The following ERBB2 variants were observed in gnomAD, a reference collection of about 807,000 sequenced individuals.
ERBB2 encodes the protein erb-b2 receptor tyrosine kinase 2.
A neutral mutation model predicts 149.0 loss-of-function variants in ERBB2; 61 were observed. The observed-to-expected ratio is 0.41, with a 90% CI of 0.33 to 0.51. The LOEUF is 0.51. Ranked by LOEUF, ERBB2 falls within the 20% of genes least tolerant of loss-of-function variation. The pLI is 0.25. For synonymous variants in ERBB2, 633 were observed against 678.8 expected (o/e 0.93, Z 1.05); for missense variants, 1,205 against 1,655.1 (o/e 0.73, Z 4.72).
At chr17:39,703,026 C>T (rs1246408738) in intron 1 of ERBB2, among the ~76,000 whole-genome samples, 1 of 152,250 alleles carries the variant, frequency 6.6e-6, no homozygotes, top group Non-Finnish European at 1.5e-5. Context: ...AATGACCTTT[C>T]CATCCACTTC....
At chr17:39,716,074 T>G in intron 12 of ERBB2, 135 bp downstream of exon 12, 1 of 1,060,922 alleles carries the variant, frequency 9.4e-7, no homozygotes, top group Non-Finnish European at 1.4e-6. Flanking sequence ...AGCACAGCTC[T>G]GGCTGGCTTG....
At chr17:39,716,739 C>T in intron 14 of ERBB2, 134 bp downstream of exon 14, 2 of 788,232 alleles carry the variant, frequency 2.5e-6, no homozygotes, top group South Asian at 3.2e-5. Context: ...AGCGCTCAGA[C>T]CTGAACAGCA....
At chr17:39,700,340 CA>C in intron 1 of ERBB2, 29 bp downstream of exon 1, 9 of 1,331,872 alleles carry the variant, frequency 6.8e-6, no homozygotes, top group Admixed American at 3.7e-5. Context: ...GGGGACGGAG[CA>C]GCGGCGGGAC....
At position 39,725,759 on chromosome 17, in the gene ERBB2, C is replaced by T. The variant is rs1395530219; in HGVS notation, c.2778C>T (p.Ile926=). The part of the protein sequence containing the change: ...MTFGAKPYDG[I]PAREIPDLLE... Reference sequence around the variant, plus strand: ...TTGGGGCCAAACCTTACGATGGGATCCCAGCCCGGGAGATCCCTGACCTGC... The same window carrying T: ...TTGGGGCCAAACCTTACGATGGGATTCCAGCCCGGGAGATCCCTGACCTGC... Residue 926 remains isoleucine (I), a synonymous_variant, in exon 23 of 27, where the codon ATC becomes ATT. Coordinates refer to ENST00000269571, the MANE Select transcript of ERBB2 (RefSeq NM_004448.4). This position sits in a 1 kb window ranked among gnomAD's most constrained non-coding sequence, Gnocchi z 4.6. 1.9e-6 allele frequency: 3 copies of T among 1,613,744 alleles called. No individual in the cohort carries two copies.
Position 39,723,465 on chromosome 17 carries a change from G to A in ERBB2, c.2085+8G>A, listed in dbSNP as rs750301449. On this transcript the variant is annotated splice_region_variant and intron_variant, in intron 17 of 26. Coordinates refer to ENST00000269571, the MANE Select transcript of ERBB2 (RefSeq NM_004448.4). The surrounding 1 kb of genome is among the most constrained non-coding windows in gnomAD (Gnocchi z 6.2). ...CTGCTGCAGGAAACGGAGGTGAGGCGGGGTGAAGTCCTCCCAGCCCGCGTG... is the reference window on the plus strand; with the variant it reads ...CTGCTGCAGGAAACGGAGGTGAGGCAGGGTGAAGTCCTCCCAGCCCGCGTG... 7 of 1,614,106 alleles carry A rather than the reference G, an allele frequency of 4.3e-6. No individual in the cohort carries two copies. The Admixed American group carries it at 1.0e-4, about 23-fold the overall frequency.
chr17:39,712,925 G>C (rs2058893676), intron 9 of ERBB2, among the ~76,000 whole-genome samples: 1 of 152,134 alleles, frequency 6.6e-6, no homozygotes, highest in Non-Finnish European at 1.5e-5. Flanking sequence ...TTTATGTGAG[G>C]CTCTGAACCG....
At position 39,723,250 on chromosome 17, in the gene ERBB2, C is replaced by T; in HGVS notation, c.1947-69C>T. 6.7e-7 allele frequency: 1 copy of T among 1,502,822 alleles called. No homozygotes were observed. Among genetic ancestry groups the T allele is most frequent in the Non-Finnish European group, 9.2e-7 (1 of 1,089,474 alleles). 93.1% of individuals were successfully genotyped at this position (1,502,822 alleles called of 1,614,324 possible). ...CGAATGCCAAACACCTTCATGTCCCCCGTGGGCCCCCTTTGTCCCTCCCAC... is the reference window on the plus strand; with the variant it reads ...CGAATGCCAAACACCTTCATGTCCCTCGTGGGCCCCCTTTGTCCCTCCCAC... On this transcript the variant is annotated intron_variant, in intron 16 of 26. Transcript: ENST00000269571. The surrounding 1 kb of genome is among the most constrained non-coding windows in gnomAD (Gnocchi z 6.2).
upstream of ERBB2, among the ~76,000 whole-genome samples, chr17:39,694,303 G>A (rs1412661212): frequency 6.6e-5 from 5 of 75,770 alleles, no homozygotes; most frequent in African/African-American, 1.0e-4. Context: ...ATATATATGT[G>A]TATATATATA....
Position 39,725,592 on chromosome 17 carries a change from G to A in ERBB2, c.2726-115G>A. The stretch of plus-strand genomic sequence containing the variant: ...AAGACCGGGTAGGGTCTGTCTCCTG[G>A]CATCACATCTCCCCCTGCTACCTGC... On this transcript the variant is annotated intron_variant, in intron 22 of 26. Transcript: ENST00000269571. The surrounding 1 kb of genome is among the most constrained non-coding windows in gnomAD (Gnocchi z 4.6). 2 of 1,291,914 alleles carry A rather than the reference G, an allele frequency of 1.5e-6. No homozygotes were observed. The highest frequency in any genetic ancestry group is 2.8e-5 in the South Asian group (2 of 71,698). 80.0% of individuals were successfully genotyped at this position (1,291,914 alleles called of 1,614,324 possible). A position where few individuals can be genotyped will look rare whatever the true frequency, so the allele number is the denominator to read the frequency against.
In ERBB2 at chr17:39,727,749, C is replaced by T. The variant is rs1299958872; in HGVS notation, c.3473C>T (p.Pro1158Leu). ...CCTTCGCCCCGAGAGGGCCCTCTGC[C>T]TGCTGCCCGACCTGCTGGTGCCACT... is the stretch of plus-strand genomic sequence containing the variant. ...QPPSPREGPL[P>L]AARPAGATLE... Residue 1158 changes from proline to leucine, a missense_variant, in exon 27 of 27, where the codon CCT becomes CTT. By Grantham distance (98) the Pro-to-Leu change is moderately conservative (BLOSUM62 -3). This residue lies in a region of ERBB2 where 312 missense variants were observed against 343.8 expected (regional missense o/e 0.91). Coordinates refer to ENST00000269571, the MANE Select transcript of ERBB2 (RefSeq NM_004448.4). The surrounding 1 kb of genome is among the most constrained non-coding windows in gnomAD (Gnocchi z 4.3). 2 of 1,597,670 alleles carry T rather than the reference C, an allele frequency of 1.3e-6. No individual in the cohort carries two copies. Among genetic ancestry groups the T allele is most frequent in the Admixed American group, 1.7e-5 (1 of 58,508 alleles).
At chr17:39,721,873 C>A (rs1026816429) in intron 16 of ERBB2, among the ~76,000 whole-genome samples, 5 of 152,094 alleles carry the variant, frequency 3.3e-5, no homozygotes, top group Non-Finnish European at 7.4e-5. Context: ...ACTTTGAATA[C>A]CCATACAGCC....
intron 1 of ERBB2, among the ~76,000 whole-genome samples, chr17:39,705,693 C>T (rs966888741): frequency 6.6e-6 from 1 of 152,180 alleles, no homozygotes; most frequent in Non-Finnish European, 1.5e-5. Context: ...CTTGCCCTAC[C>T]AGCCTCTCCC....
chr17:39,727,017 G>C lies in ERBB2; in HGVS notation c.3159+14G>C, dbSNP rs763707358. 8 of 1,573,996 alleles carry C rather than the reference G, an allele frequency of 5.1e-6. No homozygotes were observed. The highest frequency in any genetic ancestry group is 6.0e-6 in the Non-Finnish European group (7 of 1,162,064). On this transcript the variant is annotated intron_variant, in intron 25 of 26. Coordinates refer to ENST00000269571, the MANE Select transcript of ERBB2 (RefSeq NM_004448.4). The surrounding 1 kb of genome is among the most constrained non-coding windows in gnomAD (Gnocchi z 4.3). ...TCATCTACCAGGGTCAGTGCCCTCG[G>C]TCACACTGTGTGGCTGTCTGCTTAC... is the stretch of plus-strand genomic sequence containing the variant.
intron 15 of ERBB2, among the ~76,000 whole-genome samples, chr17:39,719,127 G>A (rs934919206): frequency 9.9e-5 from 15 of 152,166 alleles, no homozygotes; most frequent in Non-Finnish European, 2.1e-4. Flanking sequence ...CAGGCGTGGT[G>A]GTGGGCGCCT....
upstream of ERBB2, among the ~76,000 whole-genome samples, chr17:39,695,362 G>A (rs1168500788): frequency 6.6e-6 from 1 of 152,128 alleles, no homozygotes; most frequent in Non-Finnish European, 1.5e-5. Flanking sequence ...CTAATCCTGG[G>A]CTCAGGGAGT....
chr17:39,712,297 T>TA, intron 8 of ERBB2, 25 bp from the exon 9 acceptor site: 1 of 1,610,854 alleles, frequency 6.2e-7, no homozygotes, highest in Non-Finnish European at 8.5e-7. Context: ...GACGGCCCCT[T>TA]CCCCACCCAC....
At chr17:39,697,987 C>T (rs1259979477), upstream of ERBB2, among the ~76,000 whole-genome samples, 2 of 151,976 alleles carry the variant, frequency 1.3e-5, no homozygotes, top group East Asian at 1.9e-4. Flanking sequence ...CCGCCATACT[C>T]GGCCAACTTT....
intron 4 of ERBB2, 125 bp from the exon 5 acceptor site, chr17:39,709,688 G>T: frequency 9.7e-7 from 1 of 1,026,528 alleles, no homozygotes; most frequent in Non-Finnish European, 1.5e-6. Context: ...AGCCTGTCTG[G>T]GTCCCTCCCT....
chr17:39,697,831 T>C (rs963501621), upstream of ERBB2, among the ~76,000 whole-genome samples: 3 of 151,770 alleles, frequency 2.0e-5, no homozygotes, highest in Non-Finnish European at 2.9e-5. Flanking sequence ...GTAGCTGGGA[T>C]TACAGGTGCC....
Sources: gnomAD v4.1 joint callset for allele counts (sites outside exome capture counted in the v4.1 genomes callset) on GRCh38, gnomAD v4.1.1 for gene constraint, gnomAD v4.1.1 regional missense constraint, Gnocchi (gnomAD v3.1) non-coding constraint, MANE v1.5 for transcripts, NCBI Gene and HGNC (gene_info 2026-07-23, HGNC 2026-07-21) for gene names.